The following ZNF705D variants were observed in gnomAD, a reference collection of about 807,000 sequenced individuals.
The protein encoded by ZNF705D is putative zinc finger protein 705C.
For synonymous variants in ZNF705D, 1 was observed against 43.8 expected (o/e 0.02, Z 3.86); for missense variants, 6 against 129.4 (o/e 0.05, Z 4.63).
At chr8:12,104,641 TTTTAA>T (rs1489137320), upstream of ZNF705D, among the ~76,000 whole-genome samples, 1 of 26,984 alleles carries the variant, frequency 3.7e-5, no homozygotes, top group Non-Finnish European at 8.0e-5. Flanking sequence ...CATTGCTGTA[TTTTAA>T]TTTAATTTAA....
At chr8:12,090,600 C>CT in the ZNF705D span, among the ~76,000 whole-genome samples, 1 of 9,456 alleles carries the variant, frequency 1.1e-4, no homozygotes, top group African/African-American at 1.2e-4. Flanking sequence ...GACCCTTGAG[C>CT]TTTTTTTTTC....
the ZNF705D span, among the ~76,000 whole-genome samples, chr8:12,090,080 G>A: frequency 2.5e-5 from 2 of 80,734 alleles, no homozygotes; most frequent in African/African-American, 5.8e-5. Context: ...GAGGCTTCCA[G>A]CCCCATTCAA....
At chr8:12,089,760 G>T in the ZNF705D span, among the ~76,000 whole-genome samples, 1 of 66,830 alleles carries the variant, frequency 1.5e-5, no homozygotes, top group African/African-American at 3.0e-5. Context: ...GGCTGCTGTG[G>T]GGGATGGAGG....
At chr8:12,090,060 T>G in the ZNF705D span, among the ~76,000 whole-genome samples, 2 of 71,200 alleles carry the variant, frequency 2.8e-5, no homozygotes, top group African/African-American at 6.0e-5. Flanking sequence ...CTCCCCCGAG[T>G]TCTGGCCAGG....
intron 1 of ZNF705D, among the ~76,000 whole-genome samples, chr8:12,109,008 C>T (rs1802238319): frequency 1.1e-5 from 1 of 94,836 alleles, no homozygotes; most frequent in South Asian, 5.2e-4. Context: ...AAAAAAAAAA[C>T]AATGAAGAGG....
At chr8:12,105,074 TAGAATGTG>T (rs1802183013), upstream of ZNF705D, among the ~76,000 whole-genome samples, 2 of 102,552 alleles carry the variant, frequency 2.0e-5, no homozygotes, top group Non-Finnish European at 4.5e-5. Context: ...TTTTCATTGC[TAGAATGTG>T]AGCTGCTGTT....
the ZNF705D span, among the ~76,000 whole-genome samples, chr8:12,090,048 CCCTCCCCCGAGTTCTGGCCAGGAGGCTT>C: frequency 2.8e-5 from 2 of 70,574 alleles, 1 homozygote; most frequent in Non-Finnish European, 7.4e-5. Flanking sequence ...CTGATTCACG[CCCTCCCCCGAGTTCTGGCCAGGAGGCTT>C]CCAGCCCCAT....
chr8:12,089,598 G>A, the ZNF705D span, among the ~76,000 whole-genome samples: 4 of 58,708 alleles, frequency 6.8e-5, no homozygotes, highest in African/African-American at 1.3e-4. Context: ...TCCGGACACT[G>A]TGGAGAGGGA....
chr8:12,091,785 ATT>A, the ZNF705D span, among the ~76,000 whole-genome samples: 1 of 11,898 alleles, frequency 8.4e-5, no homozygotes, highest in Non-Finnish European at 2.2e-4. Flanking sequence ...CTAATTTTGT[ATT>A]TTTTTTTTTT....
At chr8:12,107,687 G>C (rs1802228290), upstream of ZNF705D, among the ~76,000 whole-genome samples, 4 of 70,940 alleles carry the variant, frequency 5.6e-5, 2 homozygotes, top group Admixed American at 7.3e-4. Flanking sequence ...GTGGAGTAAA[G>C]CTTCAGAAGG....
chr8:12,109,112 CAGG>C (rs1298354655), intron 1 of ZNF705D, among the ~76,000 whole-genome samples: 2 of 92,400 alleles, frequency 2.2e-5, no homozygotes, highest in East Asian at 1.1e-3. Flanking sequence ...AAGTTGAGAA[CAGG>C]AGGCTTCATA....
the ZNF705D span, among the ~76,000 whole-genome samples, chr8:12,090,719 A>T: frequency 2.2e-5 from 1 of 45,084 alleles, no homozygotes; most frequent in African/African-American, 4.1e-5. Context: ...TTCCTTGTAG[A>T]TGCTGTATAT....
chr8:12,090,136 T>C, the ZNF705D span, among the ~76,000 whole-genome samples: 1 of 90,130 alleles, frequency 1.1e-5, no homozygotes, highest in African/African-American at 2.8e-5. Flanking sequence ...CTGTGAAGTT[T>C]TACCCCCTGC....
chr8:12,112,890 GT>G lies in ZNF705D; in HGVS notation c.637del (p.Ser213LeufsTer64), dbSNP rs1449002060. 1 of 826,910 alleles carries G rather than the reference GT, an allele frequency of 1.2e-6. No individual in the cohort carries two copies. Among genetic ancestry groups the G allele is most frequent in the African/African-American group, 2.4e-5 (1 of 42,260 alleles). The allele number at this position is 826,910 out of a possible 1,614,324, so 51.2% of individuals were successfully genotyped here. A position where few individuals can be genotyped will look rare whatever the true frequency, so the allele number is the denominator to read the frequency against. ...CTATGTGGAAAAGCCTTCACTCAGTGTTCTCACCTTAGAAGACATGAGAAAA... is the reference window on the plus strand; with the variant it reads ...CTATGTGGAAAAGCCTTCACTCAGTGTCTCACCTTAGAAGACATGAGAAAA... On this transcript the variant is annotated frameshift_variant, in exon 5 of 5. Coordinates refer to ENST00000400078, the Ensembl canonical transcript of ZNF705D. LOFTEE classifies it high-confidence loss of function.
upstream of ZNF705D, among the ~76,000 whole-genome samples, chr8:12,107,614 C>G: frequency 2.8e-5 from 2 of 71,978 alleles, 1 homozygote; most frequent in Non-Finnish European, 5.9e-5. Context: ...AAAACAGATT[C>G]TTACTTGATT....
the ZNF705D span, among the ~76,000 whole-genome samples, chr8:12,090,164 C>CT: frequency 5.6e-5 from 5 of 89,050 alleles, 1 homozygote; most frequent in African/African-American, 8.4e-5. Flanking sequence ...GCCACCCCCC[C>CT]GATGGATGTC....
chr8:12,109,386 C>A (rs1802247579), intron 1 of ZNF705D, among the ~76,000 whole-genome samples: 1 of 91,014 alleles, frequency 1.1e-5, no homozygotes, highest in African/African-American at 2.9e-5. Flanking sequence ...AGGTAGGAAA[C>A]ACATTTTCTA....
the ZNF705D span, chr8:12,095,167 C>G: frequency 1.0e-6 from 1 of 1,002,870 alleles, no homozygotes; most frequent in Non-Finnish European, 1.2e-6. Flanking sequence ...CACCAGAAAA[C>G]AACAGGCTTC....
chr8:12,097,515 G>C, the ZNF705D span, among the ~76,000 whole-genome samples: 1 of 145,598 alleles, frequency 6.9e-6, no homozygotes, highest in Non-Finnish European at 1.5e-5. Flanking sequence ...AGTCTGAAAA[G>C]GTACCCTTTG....
Sources: allele counts gnomAD v4.1 joint callset (sites outside exome capture counted in the v4.1 genomes callset), GRCh38; gene constraint gnomAD v4.1.1; transcripts MANE v1.5; gene names NCBI Gene and HGNC (gene_info 2026-07-23, HGNC 2026-07-21).